PIGL: variants seen among roughly 807,000 people sequenced by gnomAD.
The protein encoded by PIGL is phosphatidylinositol glycan anchor biosynthesis class L, also known as N-acetylglucosaminyl-phosphatidylinositol de-N-acetylase.
A neutral mutation model predicts 31.1 loss-of-function variants in PIGL; 22 were observed. The observed-to-expected ratio is 0.71, with a 90% CI of 0.51 to 1.01. PIGL has a LOEUF of 1.01. PIGL is among the 50% of genes least tolerant of loss of function. The pLI is 0.00. For missense variants in PIGL, 302 were observed against 315.9 expected (o/e 0.96, Z 0.33); for synonymous variants, 131 against 117.4 (o/e 1.12, Z -0.75).
chr17:16,316,935 G>C (rs2093080345), intron 5 of PIGL: 3 of 1,331,194 alleles, frequency 2.3e-6, no homozygotes, highest in Non-Finnish European at 2.9e-6. Flanking sequence ...GGGAGGCCAG[G>C]TTTGCCCCTC....
chr17:16,290,114 G>C, intron 2 of PIGL, among the ~76,000 whole-genome samples: 1 of 145,372 alleles, frequency 6.9e-6, no homozygotes. Context: ...TTTTTTTTGA[G>C]ACGGAGACTT....
At chr17:16,309,022 G>A (rs753101280) in intron 3 of PIGL, among the ~76,000 whole-genome samples, 2 of 152,242 alleles carry the variant, frequency 1.3e-5, no homozygotes, top group Non-Finnish European at 1.5e-5. Flanking sequence ...AACTCCTGGG[G>A]TCAAGCGATC....
chr17:16,281,031 T>C (rs1225457328), intron 2 of PIGL, among the ~76,000 whole-genome samples: 3 of 151,652 alleles, frequency 2.0e-5, no homozygotes, highest in Non-Finnish European at 4.4e-5. Flanking sequence ...GGAAAAAAAA[T>C]CTCACTTACT....
At chr17:16,224,342 G>T (rs1340712899) in intron 1 of PIGL, among the ~76,000 whole-genome samples, 2 of 151,804 alleles carry the variant, frequency 1.3e-5, no homozygotes, top group Non-Finnish European at 2.9e-5. Context: ...CCTTTTTTAT[G>T]GGGGAAGACA....
At chr17:16,308,274 G>A (rs1190880214) in intron 3 of PIGL, among the ~76,000 whole-genome samples, 1 of 151,968 alleles carries the variant, frequency 6.6e-6, no homozygotes, top group African/African-American at 2.4e-5. Flanking sequence ...GGAGGTTGCG[G>A]TGAGCCGAGA....
chr17:16,294,402 C>A (rs1167304128), intron 2 of PIGL, among the ~76,000 whole-genome samples: 1 of 152,162 alleles, frequency 6.6e-6, no homozygotes, highest in Non-Finnish European at 1.5e-5. Context: ...TGCCATGTCT[C>A]CCTTCCCTGA....
chr17:16,294,255 C>T (rs1339602037), intron 2 of PIGL, among the ~76,000 whole-genome samples: 1 of 152,202 alleles, frequency 6.6e-6, no homozygotes, highest in Non-Finnish European at 1.5e-5. Context: ...AGCAGGGGAG[C>T]TAGAACTCGG....
At chr17:16,282,115 TATCTG>T in intron 2 of PIGL, 1 of 488,702 alleles carries the variant, frequency 2.0e-6, no homozygotes, top group South Asian at 1.5e-5. Context: ...CTACAGAAGC[TATCTG>T]AGCATCACCA....
At chr17:16,266,699 C>T (rs1479080361) in intron 2 of PIGL, among the ~76,000 whole-genome samples, 1 of 151,906 alleles carries the variant, frequency 6.6e-6, no homozygotes, top group African/African-American at 2.4e-5. Flanking sequence ...AGGTTCATGC[C>T]ATTCTCCTGC....
rs750654333 is a variant in PIGL at position 16,325,864 on chromosome 17, G to C, written c.725G>C (p.Arg242Pro). Residue 242 changes from arginine to proline, a missense_variant, in exon 7 of 7, where the codon CGG (arginine) becomes CCG (proline). Arg to Pro is a moderately radical substitution (Grantham distance 103, BLOSUM62 -2). Transcript: ENST00000225609. ...CGCCGCCTCTACATTATCTTCTCCC[G>C]GTACATGAGAATCAACTCACTGAGC... is the stretch of plus-strand genomic sequence containing the variant. Reference protein sequence around the residue: ...WFRRLYIIFSRYMRINSLSFL With the variant: ...WFRRLYIIFSPYMRINSLSFL 22 of 1,613,668 alleles carry C rather than the reference G, an allele frequency of 1.4e-5. No homozygotes were observed. The highest frequency in any genetic ancestry group is 1.8e-5 in the Non-Finnish European group (21 of 1,179,794).
At chr17:16,255,662 A>G (rs1283626806) in intron 2 of PIGL, among the ~76,000 whole-genome samples, 1 of 150,282 alleles carries the variant, frequency 6.7e-6, no homozygotes, top group Non-Finnish European at 1.5e-5. Flanking sequence ...ACAAAAAAAC[A>G]AAAAAGACCA....
intron 2 of PIGL, among the ~76,000 whole-genome samples, chr17:16,280,578 G>GT (rs757830270): frequency 2.1e-4 from 32 of 152,086 alleles, no homozygotes; most frequent in Non-Finnish European, 3.1e-4. Flanking sequence ...AGCCTCTCTG[G>GT]TTATCAGCAT....
intron 1 of PIGL, among the ~76,000 whole-genome samples, chr17:16,221,703 T>C (rs2092630230): frequency 6.6e-6 from 1 of 152,136 alleles, no homozygotes; most frequent in African/African-American, 2.4e-5. Context: ...CACTGCAACC[T>C]CCGCCTCCTG....
intron 2 of PIGL, among the ~76,000 whole-genome samples, chr17:16,271,106 C>T (rs1364373524): frequency 6.6e-6 from 1 of 152,102 alleles, no homozygotes. Flanking sequence ...GATTCTAAGG[C>T]ATCTTAGGGA....
intron 2 of PIGL, among the ~76,000 whole-genome samples, chr17:16,248,381 C>G (rs1001699052): frequency 6.6e-6 from 1 of 152,168 alleles, no homozygotes; most frequent in Admixed American, 6.6e-5. Context: ...CTAATTTCAT[C>G]CTTCAGAAGT....
At chr17:16,259,299 T>C (rs887897388) in intron 2 of PIGL, among the ~76,000 whole-genome samples, 1 of 149,420 alleles carries the variant, frequency 6.7e-6, no homozygotes, top group Admixed American at 6.7e-5. Flanking sequence ...AAAAAAAGAA[T>C]AATACATTCT....
At chr17:16,245,014 CG>C (rs1356421521) in intron 2 of PIGL, among the ~76,000 whole-genome samples, 2 of 151,056 alleles carry the variant, frequency 1.3e-5, no homozygotes, top group African/African-American at 4.9e-5. Flanking sequence ...TTTTTTGAGA[CG>C]GAGTTTCGCT....
At chr17:16,221,151 T>C (rs566124871) in intron 1 of PIGL, among the ~76,000 whole-genome samples, 3 of 152,220 alleles carry the variant, frequency 2.0e-5, no homozygotes, top group Non-Finnish European at 4.4e-5. Context: ...ATGCTCTGTA[T>C]TTTTTATTTG....
At chr17:16,283,089 G>A (rs1213046891) in intron 2 of PIGL, among the ~76,000 whole-genome samples, 3 of 151,740 alleles carry the variant, frequency 2.0e-5, no homozygotes, top group African/African-American at 2.4e-5. Flanking sequence ...TGCAACTTCT[G>A]CCTCCTGGGT....
Sources: gnomAD v4.1 joint callset for allele counts (sites outside exome capture counted in the v4.1 genomes callset) on GRCh38, gnomAD v4.1.1 for gene constraint, MANE v1.5 for transcripts, NCBI Gene and HGNC (gene_info 2026-07-23, HGNC 2026-07-21) for gene names.